CREBRF: variants seen among roughly 807,000 people sequenced by gnomAD.
The protein encoded by CREBRF is CREB3 regulatory factor, also known as UPF0474 protein C5orf41.
Under a neutral mutation model 66.1 loss-of-function variants are expected in CREBRF, and 5 were observed. That is an observed-to-expected ratio of 0.08 (90% confidence interval 0.04 to 0.16). The LOEUF is 0.16. Ranked by LOEUF, CREBRF falls within the 10% of genes least tolerant of loss-of-function variation. CREBRF has a pLI of 1.00. For synonymous variants in CREBRF, 229 were observed against 264.4 expected, an observed-to-expected ratio of 0.87 and a Z score of 1.30; for missense variants, 531 against 744.9, an observed-to-expected ratio of 0.71 and a Z score of 3.34.
In CREBRF at chr5:173,090,482, T is replaced by C. The variant is rs774526740; in HGVS notation, c.303T>C (p.Tyr101=). 1 of 1,613,600 alleles carries C rather than the reference T, an allele frequency of 6.2e-7. No individual in the cohort carries two copies. Among genetic ancestry groups the C allele is most frequent in the South Asian group, 1.1e-5 (1 of 91,074 alleles). ...WDTYCEDLTK[Y]TKLTSCDIWG... is the part of the protein sequence containing the mutation. ...CATACTGTGAAGACCTAACGAAATA[T>C]ACCAAACTAACCAGCTGTGACATCT... Residue 101 remains tyrosine (Y), a synonymous_variant, in exon 4 of 9, where the codon TAT becomes TAC. Coordinates refer to ENST00000296953, the MANE Select transcript of CREBRF (RefSeq NM_153607.3). The surrounding 1 kb of genome is among the most constrained non-coding windows in gnomAD (Gnocchi z 4.5).
At chr5:173,105,992 C>T (rs1026887070) in intron 4 of CREBRF, among the ~76,000 whole-genome samples, 2 of 152,092 alleles carry the variant, frequency 1.3e-5, no homozygotes, top group African/African-American at 4.8e-5. Flanking sequence ...AGGTTGATAA[C>T]TAGAACAAAA....
At chr5:173,097,551 T>G (rs1179438934) in intron 4 of CREBRF, among the ~76,000 whole-genome samples, 5 of 152,192 alleles carry the variant, frequency 3.3e-5, no homozygotes, top group Admixed American at 3.3e-4. Context: ...GGCCGACAGT[T>G]TCTGATTACT....
chr5:173,089,901 C>G (rs1162347306), intron 3 of CREBRF, among the ~76,000 whole-genome samples: 2 of 152,010 alleles, frequency 1.3e-5, no homozygotes, highest in African/African-American at 4.8e-5. Context: ...TTCTCTCTCA[C>G]TTATCACATT....
At chr5:173,129,106 C>CTTTTTTTTTTTTTTTTT (rs70984946) in intron 8 of CREBRF, among the ~76,000 whole-genome samples, 2 of 53,704 alleles carry the variant, frequency 3.7e-5, no homozygotes, top group Non-Finnish European at 3.2e-5. Flanking sequence ...TTAGTTACAT[C>CTTTTTTTTTTTTTTTTT]TTTTTTTTTT....
At chr5:173,112,665 T>A (rs182342876) in intron 7 of CREBRF, among the ~76,000 whole-genome samples, 2 of 152,332 alleles carry the variant, frequency 1.3e-5, no homozygotes, top group South Asian at 4.1e-4. Flanking sequence ...CTATAAAAGA[T>A]GTGAAAAGTT....
At chr5:173,104,507 C>T (rs1758702730) in intron 4 of CREBRF, among the ~76,000 whole-genome samples, 1 of 152,076 alleles carries the variant, frequency 6.6e-6, no homozygotes, top group South Asian at 2.1e-4. Flanking sequence ...AGGGAGACTC[C>T]TGTCTCTACA....
intron 2 of CREBRF, chr5:173,085,195 G>A (rs1758108363): frequency 1.4e-5 from 5 of 364,920 alleles, no homozygotes; most frequent in South Asian, 5.0e-5. Flanking sequence ...CGCCTGCCTT[G>A]GCTTCCCAAA....
intron 7 of CREBRF, among the ~76,000 whole-genome samples, chr5:173,118,979 G>A (rs1244156076): frequency 6.6e-6 from 1 of 151,678 alleles, no homozygotes; most frequent in African/African-American, 2.4e-5. Context: ...TCCCATCTTG[G>A]CCTCCCAAAG....
chr5:173,133,565 TCCTTC>T (rs1299281862), intron 8 of CREBRF, 60 bp from the exon 9 acceptor site: 1 of 870,070 alleles, frequency 1.1e-6, no homozygotes, highest in Non-Finnish European at 1.9e-6. Flanking sequence ...TTTTACCAGC[TCCTTC>T]CCTTCCCTTC....
rs747386867 is a variant in CREBRF at position 173,108,580 on chromosome 5, A to G, written c.1223-44A>G. ...TCTTTTCATTTGTTCTGATTGATTT[A>G]TTGAAATTTATGGAGCTTAAAAATT... On this transcript the variant is annotated intron_variant, in intron 4 of 8. Coordinates refer to ENST00000296953, the MANE Select transcript of CREBRF (RefSeq NM_153607.3). 19 of 1,532,174 alleles carry G rather than the reference A, an allele frequency of 1.2e-5. No individual in the cohort carries two copies. In the South Asian group the frequency reaches 2.3e-4, roughly 18 times the overall value. The allele number at this position is 1,532,174 out of a possible 1,614,324, so 94.9% of individuals were successfully genotyped here. A position where few individuals can be genotyped will look rare whatever the true frequency, so the allele number is the denominator to read the frequency against.
intron 2 of CREBRF, among the ~76,000 whole-genome samples, chr5:173,081,553 A>G (rs1200919089): frequency 1.3e-5 from 2 of 152,032 alleles, no homozygotes; most frequent in Non-Finnish European, 2.9e-5. Context: ...GGAATCAACA[A>G]TTTGCTGGGA....
chr5:173,099,684 T>C (rs952913131), intron 4 of CREBRF, among the ~76,000 whole-genome samples: 2 of 152,098 alleles, frequency 1.3e-5, no homozygotes, highest in African/African-American at 4.8e-5. Context: ...ATGCTTTGAT[T>C]CCTTTTTCTT....
chr5:173,071,845 A>C (rs1276227742), intron 1 of CREBRF, among the ~76,000 whole-genome samples: 2 of 151,644 alleles, frequency 1.3e-5, no homozygotes, highest in Non-Finnish European at 2.9e-5. Context: ...GCTTGAGCCC[A>C]GGAGTTCGAG....
chr5:173,101,995 G>A (rs1410876120), intron 4 of CREBRF, among the ~76,000 whole-genome samples: 1 of 150,496 alleles, frequency 6.6e-6, no homozygotes, highest in African/African-American at 2.5e-5. Context: ...TTTTCTTTTT[G>A]TTCCTCTAAC....
chr5:173,076,364 C>T (rs1017626407), intron 1 of CREBRF, among the ~76,000 whole-genome samples: 1 of 152,176 alleles, frequency 6.6e-6, no homozygotes, highest in Non-Finnish European at 1.5e-5. Context: ...ACATTCAAAC[C>T]GTAGCATCTT....
intron 1 of CREBRF, 87 bp downstream of exon 1, chr5:173,056,566 G>A: frequency 2.5e-6 from 1 of 396,116 alleles, no homozygotes; most frequent in East Asian, 3.6e-5. Flanking sequence ...GCTTGCCTAG[G>A]AGGCAGCAGC....
At chr5:173,097,397 A>G (rs1204853340) in intron 4 of CREBRF, among the ~76,000 whole-genome samples, 1 of 152,072 alleles carries the variant, frequency 6.6e-6, no homozygotes, top group Non-Finnish European at 1.5e-5. Context: ...GGCACTCACC[A>G]CCATGCCTGG....
At chr5:173,058,691 T>C (rs1321371505) in intron 1 of CREBRF, among the ~76,000 whole-genome samples, 1 of 151,082 alleles carries the variant, frequency 6.6e-6, no homozygotes, top group Non-Finnish European at 1.5e-5. Context: ...TTCACCATGT[T>C]AGCCAGGACG....
In CREBRF at chr5:173,091,150, C is replaced by T. The variant is rs749799791; in HGVS notation, c.971C>T (p.Ser324Leu). ...AGCAGCAGTCTTTCTGCCAGTACAT[C>T]AGTCTCAGATTCATCCCAGAAAAAA... ...GESSSLSASTSVSDSSQKKEE... is the reference protein window; with the variant it reads ...GESSSLSASTLVSDSSQKKEE... The change falls in exon 4 of 9, where the codon TCA becomes TTA. Residue 324 changes from serine (S) to leucine (L), a missense_variant. By Grantham distance (145) the Ser-to-Leu change is moderately radical. Transcript: ENST00000296953. 17 of 1,614,104 alleles carry T rather than the reference C, an allele frequency of 1.1e-5. No individual in the cohort carries two copies. The highest frequency in any genetic ancestry group is 3.3e-5 in the South Asian group (3 of 91,088).
Sources: gnomAD v4.1 joint callset for allele counts (sites outside exome capture counted in the v4.1 genomes callset) on GRCh38, gnomAD v4.1.1 for gene constraint, Gnocchi (gnomAD v3.1) non-coding constraint, MANE v1.5 for transcripts, NCBI Gene and HGNC (gene_info 2026-07-23, HGNC 2026-07-21) for gene names.